SLC9D1: variants seen among roughly 807,000 people sequenced by gnomAD.
SLC9D1 encodes putative LAG1-interacting protein.
the SLC9D1 span, among the ~76,000 whole-genome samples, chr13:113,493,432 G>C: frequency 3.9e-4 from 60 of 152,258 alleles, no homozygotes; most frequent in Admixed American, 7.8e-4. Flanking sequence ...GATTTATTTA[G>C]CTCCGTTGGA....
the SLC9D1 span, among the ~76,000 whole-genome samples, chr13:113,522,840 C>G: frequency 6.6e-6 from 1 of 151,994 alleles, no homozygotes; most frequent in Non-Finnish European, 1.5e-5. Context: ...CCTTATTGGC[C>G]AGGCTGGTCT....
At chr13:113,533,736 CGAG>C in the SLC9D1 span, among the ~76,000 whole-genome samples, 1 of 152,090 alleles carries the variant, frequency 6.6e-6, no homozygotes. Flanking sequence ...TGAGGCCTGG[CGAG>C]GAATTTTATC....
chr13:113,533,954 C>A, the SLC9D1 span: 1 of 924,750 alleles, frequency 1.1e-6, no homozygotes, highest in South Asian at 1.6e-5. Flanking sequence ...TATTTTGTAG[C>A]ATGTTAAAGA....
the SLC9D1 span, among the ~76,000 whole-genome samples, chr13:113,496,698 G>A: frequency 6.6e-6 from 1 of 152,180 alleles, no homozygotes; most frequent in Middle Eastern, 3.2e-3. Flanking sequence ...TTATTACACA[G>A]CATAAACGTT....
At chr13:113,507,205 G>A in the SLC9D1 span, among the ~76,000 whole-genome samples, 2 of 152,220 alleles carry the variant, frequency 1.3e-5, no homozygotes, top group African/African-American at 4.8e-5. Context: ...GGAGGGAGCC[G>A]TCGGAGTCTG....
At chr13:113,499,066 C>T in the SLC9D1 span, among the ~76,000 whole-genome samples, 3 of 152,152 alleles carry the variant, frequency 2.0e-5, no homozygotes, top group African/African-American at 4.8e-5. Context: ...AAAGGGGTGG[C>T]GGTTTACTAG....
the SLC9D1 span, among the ~76,000 whole-genome samples, chr13:113,547,580 C>G: frequency 0.017 from 2,565 of 152,216 alleles, 73 homozygotes; most frequent in African/African-American, 0.058. Flanking sequence ...TCCATGTGAT[C>G]GATTGTTTCA....
the SLC9D1 span, among the ~76,000 whole-genome samples, chr13:113,524,598 A>T: frequency 6.6e-6 from 1 of 152,014 alleles, no homozygotes; most frequent in Non-Finnish European, 1.5e-5. Flanking sequence ...GGCCTCCCAA[A>T]GTGCTGGGAT....
At chr13:113,499,343 T>G in the SLC9D1 span, among the ~76,000 whole-genome samples, 1 of 152,220 alleles carries the variant, frequency 6.6e-6, no homozygotes, top group East Asian at 1.9e-4. Context: ...GGCGACCTCC[T>G]GTCTCACCCT....
chr13:113,523,639 T>C, the SLC9D1 span, among the ~76,000 whole-genome samples: 1 of 152,208 alleles, frequency 6.6e-6, no homozygotes, highest in Non-Finnish European at 1.5e-5. Flanking sequence ...TTCATTAGTT[T>C]CTACCCTCAC....
At chr13:113,502,999 G>A in the SLC9D1 span, among the ~76,000 whole-genome samples, 1 of 152,266 alleles carries the variant, frequency 6.6e-6, no homozygotes. Flanking sequence ...CGCCTTGGCA[G>A]AATGGCCTCT....
the SLC9D1 span, chr13:113,496,045 A>AGAGAGAGAGAGGGAGAGG: frequency 1.3e-6 from 2 of 1,486,126 alleles, no homozygotes; most frequent in Non-Finnish European, 1.8e-6. Context: ...AGAGAGGGAG[A>AGAGAGAGAGAGGGAGAGG]GAGAGAGAGA....
the SLC9D1 span, chr13:113,524,187 T>G: frequency 3.1e-5 from 14 of 456,286 alleles, no homozygotes; most frequent in Non-Finnish European, 6.2e-5. Context: ...GGAGATGGTA[T>G]TGAAGTCCCC....
chr13:113,534,311 T>C, the SLC9D1 span: 1 of 1,222,628 alleles, frequency 8.2e-7, no homozygotes, highest in Non-Finnish European at 1.2e-6. Context: ...TTGTGATCCA[T>C]TCTTTACCTT....
chr13:113,491,724 G>C, the SLC9D1 span, among the ~76,000 whole-genome samples: 1 of 152,176 alleles, frequency 6.6e-6, no homozygotes, highest in Non-Finnish European at 1.5e-5. Flanking sequence ...GGGTGGACTC[G>C]GGGCCTCCAG....
the SLC9D1 span, among the ~76,000 whole-genome samples, chr13:113,507,414 C>T: frequency 6.6e-6 from 1 of 152,184 alleles, no homozygotes; most frequent in Admixed American, 6.5e-5. Flanking sequence ...AACTGATGAG[C>T]CTCCTGCCAC....
chr13:113,528,475 A>T, the SLC9D1 span: 3 of 152,374 alleles, frequency 2.0e-5, no homozygotes, highest in South Asian at 6.2e-4. Context: ...AGTAGAAGGA[A>T]TGAAGGGCTG....
the SLC9D1 span, chr13:113,527,380 C>CG: frequency 6.6e-6 from 1 of 152,194 alleles, no homozygotes; most frequent in Non-Finnish European, 1.5e-5. Flanking sequence ...CACAAATTCT[C>CG]TAAGTTTTTC....
chr13:113,521,850 T>G, the SLC9D1 span, among the ~76,000 whole-genome samples: 2 of 151,970 alleles, frequency 1.3e-5, no homozygotes, highest in East Asian at 3.9e-4. Context: ...TAAGCTTGAG[T>G]GTGTTTTAAG....
Sources: allele counts gnomAD v4.1 joint callset (sites outside exome capture counted in the v4.1 genomes callset), GRCh38; gene constraint gnomAD v4.1.1; transcripts MANE v1.5; gene names NCBI Gene and HGNC (gene_info 2026-07-23, HGNC 2026-07-21).